ABCB1: variants seen among roughly 807,000 people sequenced by gnomAD.
ABCB1 encodes the protein ATP-dependent translocase ABCB1.
Under a neutral mutation model 142.0 loss-of-function variants are expected in ABCB1, and 69 were observed. The ratio of observed to expected loss-of-function variants is 0.49; its 90% CI spans 0.40 to 0.59. The LOEUF is 0.59. ABCB1 is among the 20% of genes least tolerant of loss of function. The pLI, the probability that ABCB1 is intolerant of heterozygous loss-of-function variation, is 0.00. For synonymous variants in ABCB1, 532 were observed against 539.2 expected (o/e 0.99, Z 0.18); for missense variants, 1,326 against 1,554.7 (o/e 0.85, Z 2.47).
intron 1 of ABCB1, among the ~76,000 whole-genome samples, chr7:87,627,233 C>T (rs1820718652): frequency 6.6e-6 from 1 of 152,072 alleles, no homozygotes; most frequent in Admixed American, 6.6e-5. Context: ...GTTGTTAAAA[C>T]ATTCAAGAGT....
At chr7:87,550,417 G>A (rs1817001553) in intron 11 of ABCB1, 51 bp downstream of exon 11, 2 of 1,603,626 alleles carry the variant, frequency 1.2e-6, no homozygotes, top group African/African-American at 1.3e-5. Context: ...GAAAACATCA[G>A]AAACTCTTCA....
intron 1 of ABCB1, chr7:87,709,343 T>C (rs1829869008): frequency 7.1e-6 from 7 of 985,302 alleles, no homozygotes; most frequent in Non-Finnish European, 8.4e-6. Context: ...TCTGTGTCTT[T>C]TAGATGAAAT....
intron 21 of ABCB1, chr7:87,521,610 A>G (rs902294275): frequency 2.3e-5 from 18 of 766,692 alleles, no homozygotes; most frequent in Non-Finnish European, 3.8e-5. Context: ...TGAGAGATCC[A>G]AATACCAAGC....
intron 4 of ABCB1, among the ~76,000 whole-genome samples, chr7:87,573,182 C>A (rs1818124711): frequency 6.6e-6 from 1 of 152,168 alleles, no homozygotes; most frequent in African/African-American, 2.4e-5. Flanking sequence ...TGACGACAGT[C>A]AAGAGGGCAC....
Position 87,550,615 on chromosome 7 carries a change from C to A in ABCB1, c.1114-37G>T, listed in dbSNP as rs199614531. ...CAAATTTTAAGAGATTACTAGGTTA[C>A]AATAACTACTTTTAGTGATATTTTG... is the stretch of plus-strand genomic sequence containing the variant. On this transcript the variant is annotated intron_variant, in intron 10 of 27. Transcript: ENST00000622132. The A allele has an allele frequency of 4.4e-6, 7 of 1,590,724 alleles. No individual in the cohort carries two copies. The South Asian group carries it at 6.6e-5, about 15-fold the overall frequency.
At chr7:87,686,183 T>C (rs1284579590) in intron 1 of ABCB1, among the ~76,000 whole-genome samples, 3 of 152,228 alleles carry the variant, frequency 2.0e-5, no homozygotes, top group African/African-American at 7.2e-5. Context: ...CTATTCTCTT[T>C]ACCTCATTCA....
chr7:87,704,984 C>T (rs1468863881), intron 1 of ABCB1, among the ~76,000 whole-genome samples: 1 of 152,140 alleles, frequency 6.6e-6, no homozygotes. Flanking sequence ...ATATTTCAGA[C>T]CAGAAGCACT....
chr7:87,689,608 A>G, intron 1 of ABCB1, among the ~76,000 whole-genome samples: 1 of 152,186 alleles, frequency 6.6e-6, no homozygotes, highest in African/African-American at 2.4e-5. Context: ...AATCATCTAA[A>G]GAAAGTAAAT....
At chr7:87,706,133 A>G (rs910479131) in intron 1 of ABCB1, among the ~76,000 whole-genome samples, 8 of 152,320 alleles carry the variant, frequency 5.3e-5, no homozygotes, top group African/African-American at 1.9e-4. Context: ...AGAATATGCT[A>G]GTTACATCAG....
At chr7:87,665,878 T>G (rs1030224555) in intron 1 of ABCB1, among the ~76,000 whole-genome samples, 2 of 152,162 alleles carry the variant, frequency 1.3e-5, no homozygotes, top group Non-Finnish European at 2.9e-5. Flanking sequence ...GATCTCATTC[T>G]TTTTTATAGC....
intron 19 of ABCB1, among the ~76,000 whole-genome samples, chr7:87,537,944 A>T (rs1816368207): frequency 6.6e-6 from 1 of 152,328 alleles, no homozygotes; most frequent in South Asian, 2.1e-4. Flanking sequence ...TTAAGAAAAA[A>T]TAGTGCTATA....
At chr7:87,508,123 C>A (rs568183321) in intron 26 of ABCB1, among the ~76,000 whole-genome samples, 1 of 152,032 alleles carries the variant, frequency 6.6e-6, no homozygotes, top group African/African-American at 2.4e-5. Flanking sequence ...ACATGTACCC[C>A]CTAAGTCTAA....
At chr7:87,674,553 G>A (rs899141015) in intron 1 of ABCB1, among the ~76,000 whole-genome samples, 1 of 152,132 alleles carries the variant, frequency 6.6e-6, no homozygotes, top group Admixed American at 6.6e-5. Context: ...AAAGCAGTGG[G>A]GAGTCAGGGC....
intron 2 of ABCB1, among the ~76,000 whole-genome samples, chr7:87,596,567 T>C (rs1016119939): frequency 1.3e-5 from 2 of 152,110 alleles, no homozygotes; most frequent in Non-Finnish European, 2.9e-5. Context: ...ACCTAGGATG[T>C]GAAAGCAAAC....
intron 1 of ABCB1, among the ~76,000 whole-genome samples, chr7:87,607,387 T>C (rs753638511): frequency 1.3e-5 from 2 of 152,230 alleles, no homozygotes; most frequent in African/African-American, 2.4e-5. Flanking sequence ...ATTTTTATTC[T>C]GTATATAAAA....
In ABCB1 at chr7:87,655,639, A is replaced by G. The variant is rs528754073; in HGVS notation, c.-330-54561T>C. ...AAAAGGAAATAAGTTCAAGAGATCT[A>G]TTGTACAAAATGTTGACTATAGTTA... On this transcript the variant is annotated intron_variant, in intron 1 of 28. Coordinates refer to the ABCB1 transcript ENST00000265724. Among the ~76,000 whole-genome samples the G allele has an allele frequency of 8.5e-5, 13 of 152,274 alleles. No individual in the cohort carries two copies. In the South Asian group the frequency reaches 2.5e-3, roughly 29 times the overall value.
chr7:87,516,331 A>G (rs757348688), intron 24 of ABCB1, among the ~76,000 whole-genome samples, 178 bp downstream of exon 24: 19 of 152,240 alleles, frequency 1.2e-4, no homozygotes, highest in Non-Finnish European at 2.1e-4. Context: ...AACCTTTGCT[A>G]CGTAAAAGTA....
chr7:87,623,387 A>G (rs1820295445), intron 1 of ABCB1, among the ~76,000 whole-genome samples: 1 of 152,236 alleles, frequency 6.6e-6, no homozygotes, highest in East Asian at 1.9e-4. Context: ...TGTTTCAATC[A>G]GCCTTTACCC....
intron 7 of ABCB1, among the ~76,000 whole-genome samples, chr7:87,563,598 C>T (rs1353441837): frequency 3.3e-5 from 5 of 152,300 alleles, no homozygotes; most frequent in African/African-American, 9.6e-5. Context: ...TAAAATGCAA[C>T]ATCCACTCAT....
Sources: gnomAD v4.1 joint callset for allele counts (sites outside exome capture counted in the v4.1 genomes callset) on GRCh38, gnomAD v4.1.1 for gene constraint, MANE v1.5 for transcripts, NCBI Gene and HGNC (gene_info 2026-07-23, HGNC 2026-07-21) for gene names.